Variants in PTPN3 observed in about 807,000 individuals in gnomAD.
PTPN3 encodes the protein tyrosine-protein phosphatase non-receptor type 3.
In PTPN3, 96 loss-of-function variants were observed where a neutral mutation model predicts 132.7. The ratio of observed to expected loss-of-function variants is 0.72; its 90% confidence interval spans 0.61 to 0.86. The LOEUF is 0.86. Among genes scored for constraint, PTPN3 ranks in the 40% least tolerant of loss-of-function variants. The pLI, the probability that PTPN3 is intolerant of heterozygous loss-of-function variation, is 0.00. For missense variants in PTPN3, 1,125 were observed against 1,159.6 expected (o/e 0.97, Z 0.43); for synonymous variants, 398 against 429.0 (o/e 0.93, Z 0.89).
At position 109,420,461 on chromosome 9, in the gene PTPN3, C is replaced by T. The variant is rs770579571; in HGVS notation, c.1276G>A (p.Asp426Asn). 11 of 1,609,730 alleles carry T rather than the reference C, an allele frequency of 6.8e-6. No individual in the cohort carries two copies. The highest frequency in any genetic ancestry group is 1.1e-5 in the South Asian group (1 of 90,708). ...YKGSLAPQDS[D>N]SEVSQNRSPH... ...CTTCGGTTCTGAGAAACTTCAGAATCGCTGTCTTGAGGGGCCAGAGAGCCC... is the reference window on the plus strand; with the variant it reads ...CTTCGGTTCTGAGAAACTTCAGAATTGCTGTCTTGAGGGGCCAGAGAGCCC... Residue 426 changes from aspartate to asparagine, a missense_variant, in exon 14 of 26, where the codon GAT becomes AAT. Asp to Asn is a conservative substitution (Grantham distance 23, BLOSUM62 1). Coordinates refer to ENST00000374541, the MANE Select transcript of PTPN3 (RefSeq NM_002829.4).
In PTPN3 at chr9:109,389,239, T is replaced by C. The variant is rs763753688; in HGVS notation, c.2247A>G (p.Arg749=). The change falls in exon 22 of 26, where the codon CGA becomes CGG. Residue 749 remains arginine (R), a synonymous_variant. Coordinates refer to ENST00000374541, the MANE Select transcript of PTPN3 (RefSeq NM_002829.4). ...TAGAAATCAAGCTACTTACCCGCCC[T>C]CGTTCTGTGAGAGTCGTCAACATGA... The part of the protein sequence containing the change: ...LIVMLTTLTE[R]GRTKCHQYWP... 3.0e-5 allele frequency: 49 copies of C among 1,614,054 alleles called. 1 individual carries two copies. The highest frequency in any genetic ancestry group is 4.1e-5 in the Non-Finnish European group (48 of 1,180,026).
intron 19 of PTPN3, among the ~76,000 whole-genome samples, chr9:109,392,154 G>A (rs1239643902): frequency 6.6e-6 from 1 of 152,058 alleles, no homozygotes; most frequent in Non-Finnish European, 1.5e-5. Flanking sequence ...ATATTTGTAT[G>A]GTATCTGATG....
At chr9:109,441,425 G>A (rs1020263907) in intron 7 of PTPN3, among the ~76,000 whole-genome samples, 2 of 152,098 alleles carry the variant, frequency 1.3e-5, no homozygotes, top group Admixed American at 1.3e-4. Flanking sequence ...GTTCTCAGGG[G>A]TCATTCCTAG....
Position 109,426,803 on chromosome 9 carries a change from A to T in PTPN3, c.1001+147T>A, listed in dbSNP as rs1388245667. 4.7e-6 allele frequency: 4 copies of T among 855,120 alleles called. No individual in the cohort carries two copies. The African/African-American group carries it at 6.8e-5, about 15-fold the overall frequency. 53.0% of individuals were successfully genotyped at this position (855,120 alleles called of 1,614,324 possible). On this transcript the variant is annotated intron_variant, in intron 12 of 25. Transcript: ENST00000374541. ...CCTTAGACACTGCTGACCCCGGGAG[A>T]CTTTTAGTTATGGTTCAGAGATCCA...
intron 12 of PTPN3, among the ~76,000 whole-genome samples, chr9:109,425,780 A>G (rs1843219185): frequency 6.6e-6 from 1 of 152,134 alleles, no homozygotes; most frequent in Non-Finnish European, 1.5e-5. Context: ...TGGGAGGCCA[A>G]GGTGGGTGGA....
At chr9:109,400,890 A>G (rs190540411) in intron 19 of PTPN3, among the ~76,000 whole-genome samples, 136 of 152,070 alleles carry the variant, frequency 8.9e-4, no homozygotes, top group African/African-American at 3.2e-3. Context: ...TGCTCTGTAA[A>G]ACACCATTCT....
chr9:109,426,950 T>A lies in PTPN3; in HGVS notation c.1001A>T (p.Lys334Met). ...YWTMGSRNTK[K>M]SVNNQYCKKV... Reference sequence around the variant, plus strand: ...GACACAGTCTTTACAGCACACTCACTTTTTGGTGTTCCGAGAGCCCATAGT... The same window carrying A: ...GACACAGTCTTTACAGCACACTCACATTTTGGTGTTCCGAGAGCCCATAGT... Residue 334 changes from lysine (K) to methionine (M), a missense_variant and splice_region_variant, in exon 12 of 26, where the codon AAG (lysine) becomes ATG (methionine). Physicochemically the swap from Lys to Met is moderately conservative, Grantham distance 95. Coordinates refer to ENST00000374541, the MANE Select transcript of PTPN3 (RefSeq NM_002829.4). 6.2e-7 allele frequency: 1 copy of A among 1,609,192 alleles called. No individual in the cohort carries two copies. The highest frequency in any genetic ancestry group is 8.5e-7 in the Non-Finnish European group (1 of 1,175,748).
At chr9:109,387,038 C>G (rs998008065) in intron 22 of PTPN3, among the ~76,000 whole-genome samples, 4 of 152,262 alleles carry the variant, frequency 2.6e-5, no homozygotes, top group Non-Finnish European at 5.9e-5. Context: ...GGGGTAAGAC[C>G]GATTCCAGGT....
chr9:109,429,059 A>C, intron 10 of PTPN3: 1 of 985,454 alleles, frequency 1.0e-6, no homozygotes. Context: ...ACCTGGTCCG[A>C]ACCCCAGCTC....
In PTPN3 at chr9:109,479,775, C is replaced by T. The variant is rs542105758; in HGVS notation, c.-17-16324G>A. Among the ~76,000 whole-genome samples the T allele has an allele frequency of 7.2e-5, 11 of 152,238 alleles. No homozygotes were observed. The South Asian group carries it at 2.1e-3, about 29-fold the overall frequency. On this transcript the variant is annotated intron_variant, in intron 1 of 25. Transcript: ENST00000374541. Reference sequence around the variant, plus strand: ...TTTGTACTTTTGGTAGACTGGGTTTCGCCCTGTTGCCCAGGCTGGTCTCAA... The same window carrying T: ...TTTGTACTTTTGGTAGACTGGGTTTTGCCCTGTTGCCCAGGCTGGTCTCAA...
chr9:109,484,450 C>T (rs540405399), intron 1 of PTPN3, among the ~76,000 whole-genome samples: 1 of 152,328 alleles, frequency 6.6e-6, no homozygotes, highest in African/African-American at 2.4e-5. Context: ...AGCACAGCAG[C>T]CTGGCCGAGC....
At chr9:109,536,303 G>A in the PTPN3 span, among the ~76,000 whole-genome samples, 72,177 of 151,916 alleles carry the variant, frequency 0.48, 18,274 homozygotes, top group East Asian at 0.85. Context: ...CCTTTTAGCC[G>A]TTGTGAATGG....
chr9:109,384,584 G>A (rs1437565689), intron 22 of PTPN3, among the ~76,000 whole-genome samples: 1 of 152,184 alleles, frequency 6.6e-6, no homozygotes, highest in Admixed American at 6.5e-5. Flanking sequence ...AGCCATCTTA[G>A]CACCTGCCTC....
Position 109,409,999 on chromosome 9 carries a change from C to G in PTPN3, c.1578G>C (p.Lys526Asn), listed in dbSNP as rs1472097416. The G allele has an allele frequency of 6.2e-7, 1 of 1,614,040 alleles. No individual in the cohort carries two copies. Among genetic ancestry groups the G allele is most frequent in the Admixed American group, 1.7e-5 (1 of 60,026 alleles). ...DEDGKFGFNL[K>N]GGVDQKMPLV... ...CTTCCTTTATAAATACACAACATAC[C>G]TTAAGATTAAATCCAAATTTTCCAT... Residue 526 changes from lysine to asparagine, a missense_variant and splice_region_variant, in exon 16 of 26, where the codon AAG becomes AAC. Transcript: ENST00000374541.
the PTPN3 span, among the ~76,000 whole-genome samples, chr9:109,522,154 T>C: frequency 8.5e-5 from 13 of 152,218 alleles, no homozygotes; most frequent in Admixed American, 7.9e-4. Context: ...CCTGGGAATA[T>C]GTTAAACTCT....
chr9:109,422,022 A>G (rs533811094), intron 13 of PTPN3, among the ~76,000 whole-genome samples: 87 of 152,188 alleles, frequency 5.7e-4, no homozygotes, highest in African/African-American at 2.0e-3. Context: ...ATTCCACCTG[A>G]CTCTTTTAAA....
At chr9:109,414,036 G>A (rs770694802) in intron 14 of PTPN3, among the ~76,000 whole-genome samples, 2 of 152,180 alleles carry the variant, frequency 1.3e-5, no homozygotes, top group Non-Finnish European at 2.9e-5. Context: ...TGCTCTTTCT[G>A]TTCCTCTCCT....
chr9:109,494,356 G>A (rs927149800), intron 1 of PTPN3, among the ~76,000 whole-genome samples: 1 of 152,186 alleles, frequency 6.6e-6, no homozygotes, highest in Non-Finnish European at 1.5e-5. Context: ...TGTAGTCCCA[G>A]GTGCGAGGTA....
intron 1 of PTPN3, among the ~76,000 whole-genome samples, chr9:109,470,177 T>C (rs1396545446): frequency 6.6e-6 from 1 of 152,188 alleles, no homozygotes; most frequent in Non-Finnish European, 1.5e-5. Context: ...GCACTTCTCG[T>C]CAAATGCCAA....
Sources: allele counts gnomAD v4.1 joint callset (sites outside exome capture counted in the v4.1 genomes callset), GRCh38; gene constraint gnomAD v4.1.1; transcripts MANE v1.5; gene names NCBI Gene and HGNC (gene_info 2026-07-23, HGNC 2026-07-21).